ELOVL2: variants seen among roughly 807,000 people sequenced by gnomAD.
The protein encoded by ELOVL2 is very long chain fatty acid elongase 2.
ELOVL2 carries 38 observed loss-of-function variants against 37.7 expected under a neutral mutation model. The ratio of observed to expected loss-of-function variants is 1.01; its 90% confidence interval spans 0.78 to 1.32. ELOVL2 has a LOEUF of 1.32. Ranked by LOEUF, ELOVL2 falls within the 40% of genes most tolerant of loss-of-function variation. The pLI is 0.00. For missense variants in ELOVL2, 352 were observed against 363.6 expected (o/e 0.97, Z 0.26); for synonymous variants, 115 against 122.3 (o/e 0.94, Z 0.40).
chr6:10,995,273 C>T, intron 4 of ELOVL2, 95 bp from the exon 5 acceptor site: 1 of 943,652 alleles, frequency 1.1e-6, no homozygotes, highest in South Asian at 1.8e-5. Flanking sequence ...CCTGTGGTTT[C>T]CTGCTGTTTC....
chr6:11,011,049 G>A (rs979993511), intron 1 of ELOVL2, among the ~76,000 whole-genome samples: 2 of 152,182 alleles, frequency 1.3e-5, no homozygotes, highest in African/African-American at 2.4e-5. Flanking sequence ...GAGTCCTAGA[G>A]AACAGACTTG....
In ELOVL2 at chr6:10,985,722, A is replaced by C. The variant is rs59943678; in HGVS notation, c.766-1816T>G. The stretch of plus-strand genomic sequence containing the variant: ...ATTGATCTATATCTCTGTTTTGGTA[A>C]CAGTACCATGCTGTTTTGGTTACTG... On this transcript the variant is annotated intron_variant, in intron 7 of 7. Transcript: ENST00000354666. 0.017 allele frequency among the ~76,000 whole-genome samples: 2,597 copies of C among 151,818 alleles called. 131 individuals are homozygous for C. In the East Asian group the frequency reaches 0.19, roughly 11 times the overall value.
intron 1 of ELOVL2, among the ~76,000 whole-genome samples, chr6:11,023,688 G>A (rs1034427479): frequency 3.3e-5 from 5 of 152,136 alleles, no homozygotes; most frequent in African/African-American, 1.2e-4. Flanking sequence ...TCTTCAGCAC[G>A]CGCTGTTTTG....
chr6:10,993,772 C>G (rs9461397), intron 5 of ELOVL2, among the ~76,000 whole-genome samples: 2 of 151,770 alleles, frequency 1.3e-5, no homozygotes, highest in Non-Finnish European at 2.9e-5. Context: ...ACTGCAACCT[C>G]TGCCTCCCGG....
At chr6:11,038,723 G>A (rs1219817750) in intron 1 of ELOVL2, among the ~76,000 whole-genome samples, 2 of 152,106 alleles carry the variant, frequency 1.3e-5, no homozygotes. Context: ...ATATGACTAT[G>A]AAGTGTAAAT....
chr6:11,030,229 CT>C (rs1437954845), intron 1 of ELOVL2, among the ~76,000 whole-genome samples: 1 of 152,062 alleles, frequency 6.6e-6, no homozygotes, highest in Non-Finnish European at 1.5e-5. Flanking sequence ...CTGGTAAGGC[CT>C]TTTAGATGCC....
At chr6:11,040,318 A>T (rs541314436) in intron 1 of ELOVL2, among the ~76,000 whole-genome samples, 1 of 152,268 alleles carries the variant, frequency 6.6e-6, no homozygotes, top group Non-Finnish European at 1.5e-5. Flanking sequence ...AGTTGTGTAC[A>T]ATCTAGAGCT....
intron 1 of ELOVL2, 43 bp from the exon 2 acceptor site, chr6:11,010,852 T>A: frequency 6.6e-7 from 1 of 1,513,732 alleles, no homozygotes. Flanking sequence ...TTTTTTCTTC[T>A]TTTTTTGAAA....
intron 1 of ELOVL2, among the ~76,000 whole-genome samples, chr6:11,024,109 A>G (rs1782807312): frequency 6.6e-6 from 1 of 152,238 alleles, no homozygotes; most frequent in East Asian, 1.9e-4. Flanking sequence ...AAAGAGGTGA[A>G]GAGTATTATC....
At chr6:11,015,218 T>G (rs759477279) in intron 1 of ELOVL2, among the ~76,000 whole-genome samples, 1 of 152,162 alleles carries the variant, frequency 6.6e-6, no homozygotes, top group Non-Finnish European at 1.5e-5. Flanking sequence ...GAGACCAGAA[T>G]AGCCTTCAAA....
At chr6:11,039,990 G>A (rs1783074241) in intron 1 of ELOVL2, among the ~76,000 whole-genome samples, 1 of 152,130 alleles carries the variant, frequency 6.6e-6, no homozygotes, top group Admixed American at 6.5e-5. Context: ...AAAACAAAGA[G>A]TCTACAAAAG....
intron 5 of ELOVL2, among the ~76,000 whole-genome samples, chr6:10,993,125 T>G (rs886757991): frequency 6.6e-6 from 1 of 152,204 alleles, no homozygotes; most frequent in Non-Finnish European, 1.5e-5. Flanking sequence ...ATAGCCTTGG[T>G]CAAAATTCTT....
intron 1 of ELOVL2, among the ~76,000 whole-genome samples, chr6:11,014,901 C>A (rs1304804438): frequency 6.6e-6 from 1 of 152,148 alleles, no homozygotes; most frequent in African/African-American, 2.4e-5. Context: ...AGGTTTTCCA[C>A]CCCCATGCAA....
intron 1 of ELOVL2, chr6:11,043,917 G>A (rs1783160408): frequency 3.7e-6 from 1 of 269,664 alleles, no homozygotes. Context: ...CGGGCGCCCG[G>A]CCCCGTGCAT....
chr6:10,996,251 G>C (rs1300877735), intron 4 of ELOVL2, among the ~76,000 whole-genome samples: 1 of 152,182 alleles, frequency 6.6e-6, no homozygotes, highest in Non-Finnish European at 1.5e-5. Context: ...TGTCTGATGA[G>C]ATAATTAACC....
At chr6:10,990,667 G>GCCCCCCCC (rs372558428) in intron 5 of ELOVL2, among the ~76,000 whole-genome samples, 1 of 143,010 alleles carries the variant, frequency 7.0e-6, no homozygotes, top group African/African-American at 2.6e-5. Flanking sequence ...TTTTCAGAAT[G>GCCCCCCCC]CCCCCCCCCC....
chr6:10,990,673 C>CCCCCG (rs1782143877), intron 5 of ELOVL2, among the ~76,000 whole-genome samples: 2 of 150,672 alleles, frequency 1.3e-5, no homozygotes, highest in African/African-American at 4.9e-5. Context: ...GAATGCCCCC[C>CCCCCG]CCCCGCCACA....
At chr6:11,028,495 A>G (rs531671603) in intron 1 of ELOVL2, among the ~76,000 whole-genome samples, 9 of 152,294 alleles carry the variant, frequency 5.9e-5, no homozygotes, top group African/African-American at 2.2e-4. Context: ...AAGAATGGTT[A>G]TAGGCTTTTT....
chr6:10,996,999 A>C (rs1187112087), intron 4 of ELOVL2, among the ~76,000 whole-genome samples: 1 of 152,200 alleles, frequency 6.6e-6, no homozygotes, highest in Admixed American at 6.5e-5. Flanking sequence ...AACAAGAGTG[A>C]AACTCTGTCT....
Sources: allele counts gnomAD v4.1 joint callset (sites outside exome capture counted in the v4.1 genomes callset), GRCh38; gene constraint gnomAD v4.1.1; transcripts MANE v1.5; gene names NCBI Gene and HGNC (gene_info 2026-07-23, HGNC 2026-07-21).